RARB: variants seen among roughly 807,000 people sequenced by gnomAD.
The protein encoded by RARB is retinoic acid receptor beta.
Under a neutral mutation model 51.9 loss-of-function variants are expected in RARB, and 17 were observed. That is an observed-to-expected ratio of 0.33 (90% CI 0.22 to 0.49). The LOEUF is 0.49. Among genes scored for constraint, RARB ranks in the 20% least tolerant of loss-of-function variants. RARB has a pLI of 0.99. For synonymous variants in RARB, 215 were observed against 195.4 expected (o/e 1.10, Z -0.84); for missense variants, 369 against 550.8 (o/e 0.67, Z 3.30).
intron 3 of RARB, among the ~76,000 whole-genome samples, chr3:25,085,263 C>T (rs1233416070): frequency 2.0e-5 from 3 of 152,070 alleles, no homozygotes; most frequent in Non-Finnish European, 4.4e-5. Flanking sequence ...AAATGTAAGC[C>T]ATAAAATGGT....
intron 5 of RARB, among the ~76,000 whole-genome samples, chr3:25,327,501 A>G (rs536497159): frequency 5.3e-5 from 8 of 152,340 alleles, no homozygotes; most frequent in African/African-American, 7.2e-5. Context: ...GAAAATGACT[A>G]TCGACCTAGA....
chr3:25,194,099 T>C (rs1669935664), intron 5 of RARB, among the ~76,000 whole-genome samples: 2 of 151,974 alleles, frequency 1.3e-5, no homozygotes, highest in East Asian at 1.9e-4. Flanking sequence ...ATCTTTCCAT[T>C]TGGGACAATA....
At chr3:25,540,759 T>C (rs1699344151) in intron 3 of RARB, among the ~76,000 whole-genome samples, 1 of 152,206 alleles carries the variant, frequency 6.6e-6, no homozygotes, top group Non-Finnish European at 1.5e-5. Flanking sequence ...ATTTCACATG[T>C]TATAATGAGC....
At chr3:24,850,903 A>T (rs149185080) in intron 1 of RARB, among the ~76,000 whole-genome samples, 1 of 152,334 alleles carries the variant, frequency 6.6e-6, no homozygotes, top group Non-Finnish European at 1.5e-5. Flanking sequence ...AGATATGCTA[A>T]AACAAAACAG....
intron 5 of RARB, among the ~76,000 whole-genome samples, chr3:25,399,829 C>A (rs937143191): frequency 1.3e-5 from 2 of 152,180 alleles, no homozygotes; most frequent in Admixed American, 6.5e-5. Flanking sequence ...ACTAGCAAGT[C>A]TCCCATAAGC....
intron 2 of RARB, among the ~76,000 whole-genome samples, chr3:25,042,224 A>T (rs1207598932): frequency 6.6e-6 from 1 of 152,180 alleles, no homozygotes; most frequent in Non-Finnish European, 1.5e-5. Flanking sequence ...CTATTTTTAA[A>T]ATTTTGTATG....
At chr3:25,539,962 C>A (rs1210261318) in intron 3 of RARB, among the ~76,000 whole-genome samples, 2 of 152,082 alleles carry the variant, frequency 1.3e-5, no homozygotes, top group Non-Finnish European at 2.9e-5. Context: ...GCAAACCCCA[C>A]ATATACAAAG....
At chr3:24,882,069 G>C (rs924280932) in intron 2 of RARB, among the ~76,000 whole-genome samples, 1 of 152,202 alleles carries the variant, frequency 6.6e-6, no homozygotes. Context: ...ATAGTGACTT[G>C]TATTTGGAGA....
intron 5 of RARB, among the ~76,000 whole-genome samples, chr3:25,361,826 G>A (rs1276066101): frequency 1.3e-5 from 2 of 152,188 alleles, no homozygotes; most frequent in Non-Finnish European, 2.9e-5. Flanking sequence ...GAACAGCAAA[G>A]ATTGCTGCTT....
chr3:24,874,309 T>C (rs1330183137), intron 2 of RARB, among the ~76,000 whole-genome samples: 6 of 152,086 alleles, frequency 3.9e-5, no homozygotes, highest in Non-Finnish European at 1.5e-5. Flanking sequence ...ATATACTGTT[T>C]TGTGCTAAGA....
intron 5 of RARB, among the ~76,000 whole-genome samples, chr3:25,217,367 T>C (rs1332088143): frequency 6.6e-6 from 1 of 152,210 alleles, no homozygotes; most frequent in Non-Finnish European, 1.5e-5. Flanking sequence ...TTTCAATCTA[T>C]CATAATTGTT....
intron 3 of RARB, among the ~76,000 whole-genome samples, chr3:25,107,982 G>T (rs988018221): frequency 6.6e-6 from 1 of 151,958 alleles, no homozygotes; most frequent in Non-Finnish European, 1.5e-5. Context: ...TTGCACATTG[G>T]GGACAATATT....
intron 3 of RARB, among the ~76,000 whole-genome samples, chr3:25,099,805 T>C (rs1699365235): frequency 6.6e-6 from 1 of 152,086 alleles, no homozygotes. Context: ...AGAAGTACTT[T>C]TACAGAGCTT....
chr3:25,358,833 T>C (rs775242538), intron 5 of RARB, among the ~76,000 whole-genome samples: 2 of 152,326 alleles, frequency 1.3e-5, no homozygotes, highest in East Asian at 1.9e-4. Flanking sequence ...TGAAGCCGAC[T>C]TGATCATGGT....
chr3:25,586,660 TG>T (rs1173954645), intron 5 of RARB, among the ~76,000 whole-genome samples: 8 of 152,190 alleles, frequency 5.3e-5, no homozygotes, highest in African/African-American at 1.7e-4. Flanking sequence ...GACGCAAAAG[TG>T]ACGGCCTGTG....
At chr3:25,223,289 T>C (rs1701985882) in intron 5 of RARB, among the ~76,000 whole-genome samples, 1 of 152,186 alleles carries the variant, frequency 6.6e-6, no homozygotes, top group Non-Finnish European at 1.5e-5. Flanking sequence ...ATGGCATCTG[T>C]GTTGTTGTAT....
At chr3:25,208,990 C>T (rs1036467974) in intron 5 of RARB, among the ~76,000 whole-genome samples, 2 of 152,204 alleles carry the variant, frequency 1.3e-5, no homozygotes, top group Non-Finnish European at 1.5e-5. Context: ...TGTTTGCAAA[C>T]AAACATGAAG....
At chr3:25,204,052 A>C (rs1701464811) in intron 5 of RARB, among the ~76,000 whole-genome samples, 1 of 152,142 alleles carries the variant, frequency 6.6e-6, no homozygotes, top group Admixed American at 6.5e-5. Flanking sequence ...TCTCCCCATC[A>C]CTTTCGGGTA....
intron 5 of RARB, among the ~76,000 whole-genome samples, chr3:25,293,813 T>A (rs1261029656): frequency 6.6e-6 from 1 of 152,122 alleles, no homozygotes; most frequent in Non-Finnish European, 1.5e-5. Context: ...CTGGTTCTGC[T>A]CACCTACCCT....
Sources: gnomAD v4.1 joint callset for allele counts (sites outside exome capture counted in the v4.1 genomes callset) on GRCh38, gnomAD v4.1.1 for gene constraint, MANE v1.5 for transcripts, NCBI Gene and HGNC (gene_info 2026-07-23, HGNC 2026-07-21) for gene names.